Variants in OR2L13 observed in about 807,000 individuals in gnomAD.
OR2L13 encodes the protein olfactory receptor 2L13.
A neutral mutation model predicts 15.3 loss-of-function variants in OR2L13; 14 were observed. That is an observed-to-expected ratio of 0.91 (90% CI 0.60 to 1.43). OR2L13 has a LOEUF of 1.43. Among genes scored for constraint, OR2L13 ranks in the 40% most tolerant of loss-of-function variants. The pLI is 0.00. For missense variants in OR2L13, 367 were observed against 387.9 expected, an observed-to-expected ratio of 0.95 and a Z score of 0.45; for synonymous variants, 152 against 142.9, an observed-to-expected ratio of 1.06 and a Z score of -0.45.
chr1:247,955,981 C>T, the OR2L13 span, among the ~76,000 whole-genome samples: 47 of 147,396 alleles, frequency 3.2e-4, 1 homozygote, highest in East Asian at 9.2e-3. Context: ...GCTTTTGTTG[C>T]CATTGCTTTT....
the OR2L13 span, among the ~76,000 whole-genome samples, chr1:247,995,500 C>T: frequency 1.6e-4 from 25 of 152,114 alleles, no homozygotes; most frequent in African/African-American, 4.1e-4. Flanking sequence ...TTAGAGTCAG[C>T]CTGCAAAGTG....
chr1:248,023,996 A>G, the OR2L13 span: 149 of 152,294 alleles, frequency 9.8e-4, no homozygotes, highest in African/African-American at 3.3e-3. Flanking sequence ...GAATAACATC[A>G]TGTGATCAGA....
chr1:247,999,454 C>G, the OR2L13 span, among the ~76,000 whole-genome samples: 1 of 152,142 alleles, frequency 6.6e-6, no homozygotes, highest in Non-Finnish European at 1.5e-5. Flanking sequence ...ACTTTACATT[C>G]TTTACTCCTT....
At chr1:248,100,124 A>G (rs1417996384) in exon 3 of OR2L13, 1 of 1,613,898 alleles carries the variant, frequency 6.2e-7, no homozygotes, top group Non-Finnish European at 8.5e-7. Flanking sequence ...GTGATCTTTT[A>G]CTATGCACCT....
At chr1:247,940,731 CGTGT>C in the OR2L13 span, among the ~76,000 whole-genome samples, 6 of 147,178 alleles carry the variant, frequency 4.1e-5, 1 homozygote, top group African/African-American at 1.5e-4. Flanking sequence ...TGCATACGTG[CGTGT>C]GTGTGTGTGT....
the OR2L13 span, chr1:247,949,442 G>C: frequency 1.3e-6 from 2 of 1,592,832 alleles, no homozygotes; most frequent in South Asian, 1.1e-5. Context: ...GGGTCTATGA[G>C]GGCACAGTGT....
At chr1:248,021,902 G>T in the OR2L13 span, 3 of 1,491,884 alleles carry the variant, frequency 2.0e-6, no homozygotes, top group South Asian at 1.2e-5. Flanking sequence ...TACTGTACTT[G>T]ACTTACCCTT....
the OR2L13 span, chr1:247,975,245 G>T: frequency 2.4e-6 from 1 of 418,542 alleles, no homozygotes; most frequent in Non-Finnish European, 4.8e-6. Flanking sequence ...CTGTTGCTCA[G>T]CCAGGGCTGT....
chr1:248,022,089 A>ATGAT, the OR2L13 span: 2 of 1,613,694 alleles, frequency 1.2e-6, no homozygotes. Flanking sequence ...GATTCTTCTC[A>ATGAT]TCTTCTTGGA....
the OR2L13 span, among the ~76,000 whole-genome samples, chr1:248,068,172 T>TGA: frequency 2.6e-5 from 4 of 152,178 alleles, no homozygotes; most frequent in African/African-American, 9.7e-5. Context: ...GCTGGAGATC[T>TGA]GAGAAAGGGC....
the OR2L13 span, among the ~76,000 whole-genome samples, chr1:247,956,104 T>C: frequency 6.2e-3 from 926 of 148,576 alleles, 10 homozygotes; most frequent in African/African-American, 0.021. Context: ...TTAATCCATC[T>C]TGAATTAATT....
chr1:247,976,729 G>A, the OR2L13 span, among the ~76,000 whole-genome samples: 2 of 152,112 alleles, frequency 1.3e-5, no homozygotes, highest in African/African-American at 2.4e-5. Flanking sequence ...CTTTAGTAGG[G>A]TATGTGATTC....
chr1:248,039,361 C>T, the OR2L13 span: 1 of 482,662 alleles, frequency 2.1e-6, no homozygotes, highest in East Asian at 4.8e-5. Flanking sequence ...TATTATAATA[C>T]ATATTAATAC....
At chr1:248,007,096 G>A in the OR2L13 span, among the ~76,000 whole-genome samples, 1 of 152,150 alleles carries the variant, frequency 6.6e-6, no homozygotes, top group Admixed American at 6.5e-5. Flanking sequence ...TTCATGGAGG[G>A]AATCAGTAGA....
At chr1:247,938,483 A>G in the OR2L13 span, among the ~76,000 whole-genome samples, 1 of 152,230 alleles carries the variant, frequency 6.6e-6, no homozygotes, top group African/African-American at 2.4e-5. Context: ...TGAGGATGAT[A>G]TAGAAGTTTA....
chr1:248,038,686 G>C, the OR2L13 span: 1 of 1,614,180 alleles, frequency 6.2e-7, no homozygotes, highest in Admixed American at 1.7e-5. Flanking sequence ...AAAAGAGTGT[G>C]TGTGATGATG....
chr1:248,026,089 A>G, the OR2L13 span, among the ~76,000 whole-genome samples: 319 of 152,318 alleles, frequency 2.1e-3, 1 homozygote, highest in African/African-American at 7.2e-3. Context: ...CCTATAACTT[A>G]AAGTATAATA....
At chr1:247,980,273 A>G in the OR2L13 span, among the ~76,000 whole-genome samples, 4 of 152,156 alleles carry the variant, frequency 2.6e-5, no homozygotes. Flanking sequence ...CCAGAATAAA[A>G]GAAACAATAT....
the OR2L13 span, among the ~76,000 whole-genome samples, chr1:248,072,504 G>T: frequency 1.3e-5 from 2 of 152,002 alleles, no homozygotes; most frequent in Non-Finnish European, 2.9e-5. Flanking sequence ...TTAAACGTTA[G>T]ACCTAAAACC....
Sources: gnomAD v4.1 joint callset for allele counts (sites outside exome capture counted in the v4.1 genomes callset) on GRCh38, gnomAD v4.1.1 for gene constraint, MANE v1.5 for transcripts, NCBI Gene and HGNC (gene_info 2026-07-23, HGNC 2026-07-21) for gene names.